The following SAMM50 variants were observed in gnomAD, a reference collection of about 807,000 sequenced individuals.
SAMM50 encodes sorting and assembly machinery component 50 homolog.
In SAMM50, 47 loss-of-function variants were observed where a neutral mutation model predicts 66.9. That is an observed-to-expected ratio of 0.70 (90% CI 0.56 to 0.90). The LOEUF (loss-of-function observed/expected upper bound fraction) is 0.90. Ranked by LOEUF, SAMM50 falls within the 40% of genes least tolerant of loss-of-function variation. The pLI is 0.00. For synonymous variants in SAMM50, 191 were observed against 214.1 expected (o/e 0.89, Z 0.94); for missense variants, 535 against 595.3 (o/e 0.90, Z 1.05).
chr22:43,974,162 C>T lies in SAMM50; in HGVS notation c.648+839C>T, dbSNP rs565501100. Among the ~76,000 whole-genome samples, 3 of 152,302 alleles carry T rather than the reference C, an allele frequency of 2.0e-5. No individual in the cohort carries two copies. In the South Asian group the frequency reaches 6.2e-4, roughly 32 times the overall value. ...TGGTCTTCAGACCAGCAGCATCGACCTCAGCTGTGGGCTTGTTAGAAATGC... is the reference window on the plus strand; with the variant it reads ...TGGTCTTCAGACCAGCAGCATCGACTTCAGCTGTGGGCTTGTTAGAAATGC... On this transcript the variant is annotated intron_variant, in intron 7 of 14. Transcript: ENST00000350028.
At position 43,959,732 on chromosome 22, in the gene SAMM50, T is replaced by G. The variant is rs1177079688; in HGVS notation, c.22-3554T>G. Among the ~76,000 whole-genome samples the G allele has an allele frequency of 2.6e-5, 4 of 152,290 alleles. No homozygotes were observed. The East Asian group carries it at 5.8e-4, about 22-fold the overall frequency. Reference sequence around the variant, plus strand: ...CACCCCATGCCTATTATTCTAGGCATAGAATTTATGGGATGTACATTCTAT... The same window carrying G: ...CACCCCATGCCTATTATTCTAGGCAGAGAATTTATGGGATGTACATTCTAT... On this transcript the variant is annotated intron_variant, in intron 1 of 14. Transcript: ENST00000350028.
chr22:43,981,161 G>C (rs551381821), intron 10 of SAMM50, among the ~76,000 whole-genome samples: 1 of 152,326 alleles, frequency 6.6e-6, no homozygotes, highest in South Asian at 2.1e-4. Context: ...GCTCGCCTTC[G>C]GTGTGTCTTG....
At chr22:43,958,906 C>G (rs1330816854) in intron 1 of SAMM50, among the ~76,000 whole-genome samples, 1 of 151,888 alleles carries the variant, frequency 6.6e-6, no homozygotes, top group Non-Finnish European at 1.5e-5. Flanking sequence ...GATCAAGACT[C>G]AAACAGTAAG....
chr22:43,990,434 T>C (rs752270617), intron 14 of SAMM50, 28 bp downstream of exon 14: 13 of 1,606,550 alleles, frequency 8.1e-6, no homozygotes, highest in South Asian at 2.2e-5. Flanking sequence ...TTTTCCACAA[T>C]CACATCCCAC....
chr22:43,978,341 A>G (rs2050244333), intron 10 of SAMM50, among the ~76,000 whole-genome samples: 1 of 150,662 alleles, frequency 6.6e-6, no homozygotes, highest in African/African-American at 2.5e-5. Flanking sequence ...AGGCTGAGAC[A>G]GGAGAATGGC....
chr22:43,988,983 C>A, intron 12 of SAMM50, 128 bp from the exon 13 acceptor site: 1 of 787,060 alleles, frequency 1.3e-6, no homozygotes, highest in South Asian at 2.3e-5. Context: ...AGAACAGCTG[C>A]TTGCAAACTC....
At chr22:43,974,067 C>G (rs1156870478) in intron 7 of SAMM50, among the ~76,000 whole-genome samples, 1 of 151,754 alleles carries the variant, frequency 6.6e-6, no homozygotes, top group Non-Finnish European at 1.5e-5. Context: ...CCTGACTCCT[C>G]TTGTTCTGGG....
intron 14 of SAMM50, among the ~76,000 whole-genome samples, chr22:43,994,486 A>G (rs2235779): frequency 0.79 from 120,471 of 152,094 alleles, 48,272 homozygotes; most frequent in African/African-American, 0.92. Context: ...GCAAGGCGCC[A>G]AGGGTGCTGT....
intron 12 of SAMM50, among the ~76,000 whole-genome samples, chr22:43,985,897 C>T (rs1294583900): frequency 6.6e-6 from 1 of 150,522 alleles, no homozygotes; most frequent in East Asian, 1.9e-4. Flanking sequence ...ACACTATTAT[C>T]TTTTTAAAGA....
intron 2 of SAMM50, 73 bp from the exon 3 acceptor site, chr22:43,964,379 C>T: frequency 1.4e-6 from 1 of 706,306 alleles, no homozygotes; most frequent in South Asian, 1.9e-5. Context: ...TAAACCTTGA[C>T]ATTGTCTTTA....
At chr22:43,959,507 TACACACACACAC>T (rs138315774) in intron 1 of SAMM50, among the ~76,000 whole-genome samples, 5 of 138,586 alleles carry the variant, frequency 3.6e-5, no homozygotes, top group East Asian at 2.2e-4. Context: ...TTTTTTATAT[TACACACACACAC>T]ACACACACAC....
chr22:43,989,703 T>C (rs112902984), intron 13 of SAMM50, among the ~76,000 whole-genome samples: 7,674 of 152,332 alleles, frequency 0.05, 234 homozygotes, highest in Middle Eastern at 0.092. Context: ...AAAAAAATTC[T>C]TACAACAGCT....
intron 13 of SAMM50, among the ~76,000 whole-genome samples, chr22:43,989,639 T>C (rs1313239008): frequency 1.3e-5 from 2 of 152,152 alleles, no homozygotes; most frequent in Non-Finnish European, 2.9e-5. Context: ...TGCCAGGCCA[T>C]GTCTGTCTTT....
intron 13 of SAMM50, 102 bp from the exon 14 acceptor site, chr22:43,990,163 A>G: frequency 7.1e-7 from 1 of 1,405,424 alleles, no homozygotes; most frequent in East Asian, 2.3e-5. Context: ...TTTAAAAACA[A>G]CTGCAGGGCC....
At chr22:43,965,196 A>C (rs1043974791) in intron 3 of SAMM50, among the ~76,000 whole-genome samples, 15 of 151,276 alleles carry the variant, frequency 9.9e-5, no homozygotes, top group African/African-American at 3.4e-4. Context: ...AAAAAAAAAA[A>C]AAAAAAGAAT....
rs570294544 is a variant in SAMM50, at chr22:43,983,939, C to T, written c.1014C>T (p.Tyr338=). Residue 338 remains tyrosine, a synonymous_variant, in exon 12 of 15, where the codon TAC becomes TAT. Transcript: ENST00000350028. The surrounding 1 kb of genome is among the most constrained non-coding windows in gnomAD (Gnocchi z 4.2). ...GTGTGCTGTTTTGTCCTAGGTTTTA[C>T]CTTGGGGGACCCACAAGCATCCGCG... The part of the protein sequence containing the change: ...DKPSSIADRF[Y]LGGPTSIRGF... 6.2e-7 allele frequency: 1 copy of T among 1,610,382 alleles called. No homozygotes were observed. The highest frequency in any genetic ancestry group is 8.5e-7 in the Non-Finnish European group (1 of 1,178,482).
At chr22:43,992,791 C>A (rs2050331997) in intron 14 of SAMM50, among the ~76,000 whole-genome samples, 2 of 152,222 alleles carry the variant, frequency 1.3e-5, no homozygotes, top group Non-Finnish European at 1.5e-5. Context: ...TGCTGATACA[C>A]CCGGCGTGGC....
intron 1 of SAMM50, 55 bp from the exon 2 acceptor site, chr22:43,963,231 G>A: frequency 1.9e-6 from 2 of 1,067,950 alleles, no homozygotes; most frequent in Non-Finnish European, 2.8e-6. Context: ...TCAAAGGTAA[G>A]TGTGTGTATA....
At position 43,992,234 on chromosome 22, in the gene SAMM50, C is replaced by T. The variant is rs1036141311; in HGVS notation, c.1364+1828C>T. Among the ~76,000 whole-genome samples, 13 of 152,198 alleles carry T rather than the reference C, an allele frequency of 8.5e-5. No homozygotes were observed. In the East Asian group the frequency reaches 9.6e-4, roughly 11 times the overall value. On this transcript the variant is annotated intron_variant, in intron 14 of 14. Coordinates refer to ENST00000350028, the MANE Select transcript of SAMM50 (RefSeq NM_015380.5). ...GGGATGGTGCTTTGTAAAGGGGAGCCGCATTCGCAAGTGTTTCTGAGCATC... is the reference window on the plus strand; with the variant it reads ...GGGATGGTGCTTTGTAAAGGGGAGCTGCATTCGCAAGTGTTTCTGAGCATC...
Sources: allele counts gnomAD v4.1 joint callset (sites outside exome capture counted in the v4.1 genomes callset), GRCh38; gene constraint gnomAD v4.1.1; non-coding constraint Gnocchi (gnomAD v3.1); transcripts MANE v1.5; gene names NCBI Gene and HGNC (gene_info 2026-07-23, HGNC 2026-07-21).